ADCY2: variants seen among roughly 807,000 people sequenced by gnomAD.
ADCY2 encodes adenylate cyclase 2, also known as adenylate cyclase type 2.
Under a neutral mutation model 125.2 loss-of-function variants are expected in ADCY2, and 31 were observed. That is an observed-to-expected ratio of 0.25 (90% confidence interval 0.19 to 0.33). The LOEUF is 0.33. Ranked by LOEUF, ADCY2 falls within the 10% of genes least tolerant of loss-of-function variation. The pLI is 1.00. For synonymous variants in ADCY2, 512 were observed against 548.4 expected (o/e 0.93, Z 0.93); for missense variants, 904 against 1,418.2 (o/e 0.64, Z 5.82).
chr5:7,669,921 C>A (rs1257240927), intron 4 of ADCY2, among the ~76,000 whole-genome samples: 2 of 152,160 alleles, frequency 1.3e-5, no homozygotes, highest in African/African-American at 2.4e-5. Context: ...CACCCCCAGG[C>A]AATGTGAGCT....
intron 21 of ADCY2, among the ~76,000 whole-genome samples, chr5:7,804,239 C>G (rs181597593): frequency 1.3e-5 from 2 of 152,158 alleles, no homozygotes; most frequent in Non-Finnish European, 2.9e-5. Context: ...CTCATTGAAT[C>G]ATAATTTTAT....
Position 7,820,695 on chromosome 5 carries a change from G to T in ADCY2, c.3123+6G>T. 1.2e-6 allele frequency: 2 copies of T among 1,612,750 alleles called. No homozygotes were observed. Among genetic ancestry groups the T allele is most frequent in the South Asian group, 1.1e-5 (1 of 91,018 alleles). On this transcript the variant is annotated splice_donor_region_variant and intron_variant, in intron 24 of 24. Transcript: ENST00000338316. ...GAGTCCTGGACAAAATACAGGTAAT[G>T]CAGAGTGTGGTCTGCGCTGCCTGCA...
Position 7,666,362 on chromosome 5 carries a change from A to G in ADCY2, c.721-24329A>G, listed in dbSNP as rs948286703. On this transcript the variant is annotated intron_variant, in intron 4 of 24. Transcript: ENST00000338316. ...CGGCTCACTGCAAGCTCAGCCTCCC[A>G]GGTTCACACCATTCTCCTGCCTCAG... 1.9e-3 allele frequency among the ~76,000 whole-genome samples: 281 copies of G among 149,626 alleles called. 1 individual carries two copies. The highest frequency in any genetic ancestry group is 3.1e-3 in the Non-Finnish European group (210 of 67,140).
At chr5:7,783,147 A>G (rs1743969244) in intron 18 of ADCY2, among the ~76,000 whole-genome samples, 1 of 152,038 alleles carries the variant, frequency 6.6e-6, no homozygotes. Flanking sequence ...TTTGCACTTG[A>G]GTCTTTCTTT....
intron 2 of ADCY2, among the ~76,000 whole-genome samples, chr5:7,432,236 A>G (rs1740631428): frequency 6.6e-6 from 1 of 151,848 alleles, no homozygotes; most frequent in South Asian, 2.1e-4. Flanking sequence ...TGGCAATAAA[A>G]TCTCCTTCAT....
In ADCY2 at chr5:7,724,610, A is replaced by C. The variant is rs147046751; in HGVS notation, c.1769A>C (p.Lys590Thr). 126 of 1,576,416 alleles carry C rather than the reference A, an allele frequency of 8.0e-5. No individual in the cohort carries two copies. Among genetic ancestry groups the C allele is most frequent in the Non-Finnish European group, 1.0e-4 (120 of 1,166,830 alleles). ...SLLFYNKVLE[K>T]EYRATALPAF... is the part of the protein sequence containing the mutation. ...CTTTTCTATAACAAAGTACTAGAAA[A>C]AGAGGTAAGTTTTTTTCTTCTTCAA... is the stretch of plus-strand genomic sequence containing the variant. The change falls in exon 13 of 25, where the codon AAA becomes ACA. Residue 590 changes from lysine to threonine, a missense_variant. This residue lies in a region of ADCY2 where 144 missense variants were observed against 227.7 expected (regional missense o/e 0.63). Transcript: ENST00000338316.
At chr5:7,521,352 T>C (rs1417500604) in intron 3 of ADCY2, among the ~76,000 whole-genome samples, 3 of 151,948 alleles carry the variant, frequency 2.0e-5, no homozygotes, top group African/African-American at 4.9e-5. Context: ...ATCAGGTCTA[T>C]GAGCATTAAA....
chr5:7,416,933 A>C (rs1739971539), intron 2 of ADCY2, among the ~76,000 whole-genome samples: 1 of 152,122 alleles, frequency 6.6e-6, no homozygotes, highest in African/African-American at 2.4e-5. Flanking sequence ...TCTTGTTCAG[A>C]ATGTTTTTAG....
intron 3 of ADCY2, among the ~76,000 whole-genome samples, chr5:7,563,164 GT>G (rs757228276): frequency 2.0e-5 from 3 of 152,146 alleles, no homozygotes; most frequent in Non-Finnish European, 2.9e-5. Context: ...GAATTAGCAG[GT>G]TACATGGTTT....
intron 2 of ADCY2, among the ~76,000 whole-genome samples, chr5:7,481,817 G>A (rs1171668868): frequency 1.3e-5 from 2 of 151,886 alleles, no homozygotes; most frequent in Non-Finnish European, 1.5e-5. Context: ...TTAACTTGAT[G>A]TAATCCTATT....
At chr5:7,637,581 A>G (rs1177538215) in intron 4 of ADCY2, among the ~76,000 whole-genome samples, 1 of 152,186 alleles carries the variant, frequency 6.6e-6, no homozygotes, top group African/African-American at 2.4e-5. Flanking sequence ...TTTAATCCAA[A>G]TAGAAACAAA....
intron 7 of ADCY2, 89 bp downstream of exon 7, chr5:7,698,463 C>T (rs1351411078): frequency 7.2e-6 from 10 of 1,383,710 alleles, no homozygotes; most frequent in Non-Finnish European, 9.2e-6. Context: ...CATAGGTATA[C>T]ATGTACTGTG....
intron 15 of ADCY2, among the ~76,000 whole-genome samples, chr5:7,752,894 C>CTTTTT (rs11319936): frequency 6.4e-5 from 6 of 94,384 alleles, no homozygotes; most frequent in Non-Finnish European, 8.6e-5. Context: ...TAGGATTTTC[C>CTTTTT]TTTTTTTTTT....
At chr5:7,537,591 C>T (rs1734855429) in intron 3 of ADCY2, among the ~76,000 whole-genome samples, 1 of 152,160 alleles carries the variant, frequency 6.6e-6, no homozygotes, top group Non-Finnish European at 1.5e-5. Flanking sequence ...CTGCCTCTGC[C>T]CTGGGTCAGA....
chr5:7,417,695 T>C (rs1417869895), intron 2 of ADCY2, among the ~76,000 whole-genome samples: 1 of 152,264 alleles, frequency 6.6e-6, no homozygotes, highest in African/African-American at 2.4e-5. Flanking sequence ...ATCTGTCACT[T>C]CATAAGGCAA....
At chr5:7,538,241 G>A (rs1734885125) in intron 3 of ADCY2, among the ~76,000 whole-genome samples, 1 of 152,162 alleles carries the variant, frequency 6.6e-6, no homozygotes, top group South Asian at 2.1e-4. Context: ...AATAGAAACA[G>A]CTTTAATTTT....
intron 2 of ADCY2, among the ~76,000 whole-genome samples, chr5:7,459,066 C>T (rs544086762): frequency 2.1e-4 from 32 of 152,168 alleles, no homozygotes; most frequent in Admixed American, 8.5e-4. Flanking sequence ...TGGTGATTGT[C>T]AGCTGCCCCT....
At chr5:7,497,588 G>A (rs1743386187) in intron 2 of ADCY2, among the ~76,000 whole-genome samples, 1 of 151,958 alleles carries the variant, frequency 6.6e-6, no homozygotes, top group Admixed American at 6.6e-5. Flanking sequence ...GCATCCAAAA[G>A]TCATTCATAA....
At chr5:7,492,010 C>T (rs189423411) in intron 2 of ADCY2, among the ~76,000 whole-genome samples, 26 of 152,314 alleles carry the variant, frequency 1.7e-4, no homozygotes, top group Middle Eastern at 3.4e-3. Flanking sequence ...CCTGAAAGAG[C>T]ACAGGTGTCA....
Sources: allele counts gnomAD v4.1 joint callset (sites outside exome capture counted in the v4.1 genomes callset), GRCh38; gene constraint gnomAD v4.1.1; regional missense constraint gnomAD v4.1.1; transcripts MANE v1.5; gene names NCBI Gene and HGNC (gene_info 2026-07-23, HGNC 2026-07-21).